RAPGEF1: variants seen among roughly 807,000 people sequenced by gnomAD.
The protein encoded by RAPGEF1 is Rap guanine nucleotide exchange factor 1.
A neutral mutation model predicts 143.3 loss-of-function variants in RAPGEF1; 33 were observed. The observed-to-expected ratio is 0.23, with a 90% CI of 0.17 to 0.31. RAPGEF1 has a LOEUF of 0.31. Ranked by LOEUF, RAPGEF1 falls within the 10% of genes least tolerant of loss-of-function variation. The pLI is 1.00. For missense variants in RAPGEF1, 1,199 were observed against 1,645.4 expected (o/e 0.73, Z 4.69); for synonymous variants, 629 against 676.5 (o/e 0.93, Z 1.09).
chr9:131,604,156 G>C (rs1384057189), intron 13 of RAPGEF1, 103 bp from the exon 14 acceptor site: 2 of 652,952 alleles, frequency 3.1e-6, no homozygotes, highest in Non-Finnish European at 4.8e-6. Flanking sequence ...GTCTTCCCAG[G>C]TGCAGAGAGC....
At chr9:131,734,444 C>T (rs149441103) in intron 1 of RAPGEF1, among the ~76,000 whole-genome samples, 28 of 152,344 alleles carry the variant, frequency 1.8e-4, no homozygotes, top group African/African-American at 6.7e-4. Flanking sequence ...TGGACTGTGG[C>T]CTCCAGGGAC....
chr9:131,605,757 TTCTTTC>T (rs1310855492), intron 12 of RAPGEF1, among the ~76,000 whole-genome samples: 1 of 115,862 alleles, frequency 8.6e-6, no homozygotes, highest in African/African-American at 3.5e-5. Flanking sequence ...TTTTCTTTCT[TTCTTTC>T]TTTTTTTTTT....
chr9:131,658,937 C>T (rs975116918), intron 1 of RAPGEF1, among the ~76,000 whole-genome samples: 8 of 152,208 alleles, frequency 5.3e-5, no homozygotes, highest in African/African-American at 1.7e-4. Context: ...TCTGTCTCAA[C>T]TTAATCTCTC....
At chr9:131,624,287 A>G (rs956105949) in intron 10 of RAPGEF1, among the ~76,000 whole-genome samples, 6 of 152,164 alleles carry the variant, frequency 3.9e-5, no homozygotes, top group Non-Finnish European at 7.3e-5. Flanking sequence ...TACCTTCCAT[A>G]GGGCATGTGA....
rs1421712500 is a variant in RAPGEF1 at position 131,650,439 on chromosome 9, T to C, written c.202-197A>G. Reference sequence around the variant, plus strand: ...TCAGAGCACAGGCCCTAAAGCCAAATGATGGATGTTCTGGACATCACAGAG... The same window carrying C: ...TCAGAGCACAGGCCCTAAAGCCAAACGATGGATGTTCTGGACATCACAGAG... On this transcript the variant is annotated intron_variant, in intron 2 of 26. Transcript: ENST00000683357. The surrounding 1 kb of genome is among the most constrained non-coding windows in gnomAD (Gnocchi z 4.7). 2.0e-5 allele frequency among the ~76,000 whole-genome samples: 3 copies of C among 152,216 alleles called. No individual in the cohort carries two copies. The highest frequency in any genetic ancestry group is 4.8e-5 in the African/African-American group (2 of 41,458).
chr9:131,605,210 C>A, intron 12 of RAPGEF1, 22 bp from the exon 13 acceptor site: 2 of 1,279,670 alleles, frequency 1.6e-6, no homozygotes, highest in Admixed American at 2.6e-5. Flanking sequence ...AGGTGGAGAA[C>A]AAACAAAAAC....
chr9:131,721,646 A>ATT (rs1456448675), intron 1 of RAPGEF1, among the ~76,000 whole-genome samples: 2 of 152,152 alleles, frequency 1.3e-5, no homozygotes, highest in Non-Finnish European at 2.9e-5. Context: ...ATTCTAAGTC[A>ATT]CAGACATTTG....
chr9:131,694,817 C>CT (rs1212203622), intron 1 of RAPGEF1, among the ~76,000 whole-genome samples: 1 of 137,958 alleles, frequency 7.2e-6, no homozygotes, highest in Non-Finnish European at 1.6e-5. Flanking sequence ...TTTTTTTATA[C>CT]TTTAAGTTTT....
chr9:131,585,569 T>A (rs1183042895), intron 22 of RAPGEF1, among the ~76,000 whole-genome samples: 1 of 152,244 alleles, frequency 6.6e-6, no homozygotes, highest in Non-Finnish European at 1.5e-5. Flanking sequence ...TGGGGCCTTG[T>A]GTGCAGCTTC....
chr9:131,698,041 G>C (rs1454287681), intron 1 of RAPGEF1, among the ~76,000 whole-genome samples: 1 of 152,164 alleles, frequency 6.6e-6, no homozygotes, highest in South Asian at 2.1e-4. Flanking sequence ...GACTGTCAAA[G>C]GGCACTGAGG....
At chr9:131,732,501 T>C (rs972471956) in intron 1 of RAPGEF1, among the ~76,000 whole-genome samples, 9 of 152,100 alleles carry the variant, frequency 5.9e-5, no homozygotes, top group Non-Finnish European at 8.8e-5. Context: ...GACCAATGGA[T>C]GCGGCATCAG....
chr9:131,682,372 G>T (rs191318269), intron 1 of RAPGEF1, among the ~76,000 whole-genome samples: 4 of 152,324 alleles, frequency 2.6e-5, no homozygotes, highest in African/African-American at 9.6e-5. Context: ...TCCAGCTCAG[G>T]CCATTCCATC....
intron 12 of RAPGEF1, among the ~76,000 whole-genome samples, chr9:131,611,573 A>G (rs1958024349): frequency 1.3e-5 from 2 of 152,240 alleles, no homozygotes; most frequent in Admixed American, 1.3e-4. Flanking sequence ...GTAATTCACT[A>G]AGTGTTGATC....
intron 12 of RAPGEF1, among the ~76,000 whole-genome samples, chr9:131,607,250 T>C (rs920602241): frequency 2.0e-5 from 3 of 152,202 alleles, no homozygotes; most frequent in Non-Finnish European, 4.4e-5. Flanking sequence ...CCTGTACAAG[T>C]GAAGTTCCCT....
intron 1 of RAPGEF1, among the ~76,000 whole-genome samples, chr9:131,706,711 C>T (rs1270607367): frequency 6.6e-6 from 1 of 152,214 alleles, no homozygotes; most frequent in Non-Finnish European, 1.5e-5. Context: ...CAGCAGGACA[C>T]CATGCGCTAT....
chr9:131,638,251 C>T (rs545545343), intron 5 of RAPGEF1, among the ~76,000 whole-genome samples: 2 of 152,280 alleles, frequency 1.3e-5, no homozygotes, highest in East Asian at 3.9e-4. Flanking sequence ...GCTTTTCTAC[C>T]AAGAATCCTA....
intron 18 of RAPGEF1, among the ~76,000 whole-genome samples, chr9:131,590,384 A>G (rs983504042): frequency 1.3e-5 from 2 of 152,194 alleles, no homozygotes; most frequent in African/African-American, 4.8e-5. Context: ...TGTGTAGGCC[A>G]GAAGTATCTC....
intron 1 of RAPGEF1, among the ~76,000 whole-genome samples, chr9:131,669,884 T>C (rs180691992): frequency 2.8e-4 from 43 of 152,308 alleles, no homozygotes; most frequent in African/African-American, 1.0e-3. Flanking sequence ...GCCCCCACTA[T>C]GTACAGGGAG....
Position 131,650,962 on chromosome 9 carries a change from A to G in RAPGEF1, c.62-13T>C, listed in dbSNP as rs1479817935. The G allele has an allele frequency of 1.2e-6, 2 of 1,613,208 alleles. No homozygotes were observed. The highest frequency in any genetic ancestry group is 4.5e-5 in the East Asian group (2 of 44,882). On this transcript the variant is annotated splice_polypyrimidine_tract_variant and intron_variant, in intron 1 of 26. Transcript: ENST00000683357. The surrounding 1 kb of genome is among the most constrained non-coding windows in gnomAD (Gnocchi z 4.7). Reference sequence around the variant, plus strand: ...GAACGCTGAGAGTCTGAAAACAAAGAGGGTACTGACTGTTAGATGGGAGTG... The same window carrying G: ...GAACGCTGAGAGTCTGAAAACAAAGGGGGTACTGACTGTTAGATGGGAGTG...
Sources: gnomAD v4.1 joint callset for allele counts (sites outside exome capture counted in the v4.1 genomes callset) on GRCh38, gnomAD v4.1.1 for gene constraint, Gnocchi (gnomAD v3.1) non-coding constraint, MANE v1.5 for transcripts, NCBI Gene and HGNC (gene_info 2026-07-23, HGNC 2026-07-21) for gene names.